The following GPR85 variants were observed in gnomAD, a reference collection of about 807,000 sequenced individuals.
The protein encoded by GPR85 is probable G protein-coupled receptor 85.
A neutral mutation model predicts 21.3 loss-of-function variants in GPR85; 7 were observed. The observed-to-expected ratio is 0.33, with a 90% CI of 0.19 to 0.62. The LOEUF is 0.62. GPR85 is among the 20% of genes least tolerant of loss of function. The pLI, the probability that GPR85 is intolerant of heterozygous loss-of-function variation, is 0.80. For synonymous variants in GPR85, 167 were observed against 166.1 expected (o/e 1.01, Z -0.04); for missense variants, 299 against 443.8 (o/e 0.67, Z 2.93).
In GPR85 at chr7:113,083,767, C is replaced by T. The variant is rs759257521; in HGVS notation, c.955G>A (p.Gly319Arg). The change falls in exon 3 of 3, where the codon GGA becomes AGA. Residue 319 changes from glycine to arginine, a missense_variant. By Grantham distance (125) the Gly-to-Arg change is moderately radical (BLOSUM62 -2). Around this residue, in one of 2 missense-constraint regions of GPR85, gnomAD observed 198 missense variants for 335.4 expected, o/e 0.59. Coordinates refer to ENST00000424100, the MANE Select transcript of GPR85 (RefSeq NM_001146267.2). This position sits in a 1 kb window ranked among gnomAD's most constrained non-coding sequence, Gnocchi z 4.4. ...VFARGPVVPGGFLTAAVWMSF... is the reference protein window; with the variant it reads ...VFARGPVVPGRFLTAAVWMSF... Reference sequence around the variant, plus strand: ...ATCCAGACAGCAGCTGTTAGAAATCCCCCTGGTACTACAGGCCCTCTTGCA... The same window carrying T: ...ATCCAGACAGCAGCTGTTAGAAATCTCCCTGGTACTACAGGCCCTCTTGCA... The T allele has an allele frequency of 1.4e-4, 226 of 1,614,108 alleles. 1 individual carries two copies. Among genetic ancestry groups the T allele is most frequent in the Non-Finnish European group, 1.8e-4 (211 of 1,180,048 alleles).
In GPR85 at chr7:113,084,347, A is replaced by G. The variant is rs1794214973; in HGVS notation, c.375T>C (p.His125=). 12 of 1,614,114 alleles carry G rather than the reference A, an allele frequency of 7.4e-6. No homozygotes were observed. The highest frequency in any genetic ancestry group is 1.0e-5 in the Non-Finnish European group (12 of 1,180,006). ...TCAGCCTCTTTGTATAGAAGCGGTG[A>G]TGGGCGATAGCTAAATATCTGGTGA... ...ISVTRYLAIA[H]HRFYTKRLTF... Residue 125 remains histidine (H), a synonymous_variant, in exon 3 of 3, where the codon CAT becomes CAC. Transcript: ENST00000424100.
chr7:113,084,732 A>G lies in GPR85; in HGVS notation c.-11T>C. Reference sequence around the variant, plus strand: ...GCTATAGTTCGCCATAGATGGATGGAGGATAAGGATACAGCCTCAGTCAAG... The same window carrying G: ...GCTATAGTTCGCCATAGATGGATGGGGGATAAGGATACAGCCTCAGTCAAG... On this transcript the variant is annotated 5_prime_UTR_variant, in exon 3 of 3. Coordinates refer to ENST00000424100, the MANE Select transcript of GPR85 (RefSeq NM_001146267.2). 2 of 1,600,878 alleles carry G rather than the reference A, an allele frequency of 1.2e-6. 1 individual carries two copies. Among genetic ancestry groups the G allele is most frequent in the South Asian group, 2.2e-5 (2 of 89,112 alleles).
chr7:113,085,710 A>G (rs1794254255), intron 2 of GPR85, among the ~76,000 whole-genome samples: 1 of 152,160 alleles, frequency 6.6e-6, no homozygotes, highest in Non-Finnish European at 1.5e-5. Context: ...TTAAAACAAA[A>G]TGCACATTGT....
rs1794292081 is a variant in GPR85, at chr7:113,086,408, T to TTG, written c.-376_-375insCA. The stretch of plus-strand genomic sequence containing the variant: ...TTTTTTTCTTTTTCTTTTTTTTTTT[T>TTG]TTTTTTTTGTTTTTTGTTTTTTTTT... On this transcript the variant is annotated 5_prime_UTR_variant, in exon 1 of 3. It removes the in-frame stop codon of an upstream open reading frame in the 5' UTR. Transcript: ENST00000424100. 2 of 94,216 alleles carry TTG rather than the reference T, an allele frequency of 2.1e-5. No homozygotes were observed. The highest frequency in any genetic ancestry group is 9.0e-5 in the African/African-American group (2 of 22,184). 5.8% of individuals were successfully genotyped at this position (94,216 alleles called of 1,614,324 possible). A position where few individuals can be genotyped will look rare whatever the true frequency, so the allele number is the denominator to read the frequency against.
rs1794301225 is a variant in GPR85 at position 113,086,430 on chromosome 7, T to TTTTTTTTTTTTTTG, written c.-398_-397insCAAAAAAAAAAAAA. ...TTTTTTTTTTTTGTTTTTTGTTTTT[T>TTTTTTTTTTTTTTG]TTTTTTTTTTTTTTGCCTTAGTGCC... is the stretch of plus-strand genomic sequence containing the variant. On this transcript the variant is annotated 5_prime_UTR_variant, in exon 1 of 3. The change abolishes the stop of an existing upstream ORF in the 5' untranslated region. Coordinates refer to ENST00000424100, the MANE Select transcript of GPR85 (RefSeq NM_001146267.2). The TTTTTTTTTTTTTTG allele has an allele frequency of 9.4e-6, 1 of 106,552 alleles. No homozygotes were observed. Among genetic ancestry groups the TTTTTTTTTTTTTTG allele is most frequent in the African/African-American group, 3.8e-5 (1 of 26,094 alleles). The allele number at this position is 106,552 out of a possible 1,614,324, so 6.6% of individuals were successfully genotyped here.
At position 113,082,370 on chromosome 7, in the gene GPR85, AC is replaced by A. The variant is rs1794160843; in HGVS notation, c.*1238del. 6.6e-6 allele frequency: 1 copy of A among 152,628 alleles called. No individual in the cohort carries two copies. Among genetic ancestry groups the A allele is most frequent in the South Asian group, 2.1e-4 (1 of 4,834 alleles). The allele number at this position is 152,628 out of a possible 1,614,324, so 9.5% of individuals were successfully genotyped here. ...ACAGACTCTAATGTATTTCTAAAATACCAGAAATCATAATATAAGCTTTCAC... is the reference window on the plus strand; with the variant it reads ...ACAGACTCTAATGTATTTCTAAAATACAGAAATCATAATATAAGCTTTCAC... On this transcript the variant is annotated 3_prime_UTR_variant, in exon 3 of 3. Transcript: ENST00000424100.
upstream of GPR85, chr7:113,087,575 T>A (rs1255358690): frequency 6.5e-6 from 1 of 154,398 alleles, no homozygotes; most frequent in Non-Finnish European, 1.5e-5. Context: ...GATATAAAAT[T>A]TTAAGCAACA....
intron 2 of GPR85, 33 bp downstream of exon 2, chr7:113,085,959 A>AG (rs1490000270): frequency 1.3e-5 from 2 of 152,482 alleles, no homozygotes; most frequent in East Asian, 1.9e-4. Flanking sequence ...AGGGTGGAGG[A>AG]GGGGGAGAGG....
chr7:113,084,975 A>AC (rs1159810181), intron 2 of GPR85, 84 bp from the exon 3 acceptor site: 2 of 373,434 alleles, frequency 5.4e-6, no homozygotes, highest in African/African-American at 4.2e-5. Flanking sequence ...CTGTTCACTT[A>AC]TGGGGAAGCA....
At chr7:113,086,928 A>G (rs915203103), upstream of GPR85, among the ~76,000 whole-genome samples, 3 of 150,942 alleles carry the variant, frequency 2.0e-5, no homozygotes, top group African/African-American at 4.9e-5. Flanking sequence ...AAACCACCGG[A>G]GGCTTCTTTT....
At position 113,083,679 on chromosome 7, in the gene GPR85, C is replaced by T. The variant is rs746230402; in HGVS notation, c.1043G>A (p.Arg348His). The change falls in exon 3 of 3, where the codon CGC becomes CAC. Residue 348 changes from arginine to histidine, a missense_variant. Transcript: ENST00000424100. The surrounding 1 kb of genome is among the most constrained non-coding windows in gnomAD (Gnocchi z 4.4). ...GTAAAGAAGGGTTGTGCTGAAACAG[C>T]GCCTCAGCTCCCTGTTTGAGAAAAT... is the stretch of plus-strand genomic sequence containing the variant. ...VCIFSNRELR[R>H]CFSTTLLYCR... The T allele has an allele frequency of 2.3e-5, 37 of 1,613,838 alleles. No homozygotes were observed. In the Admixed American group the frequency reaches 5.2e-4, roughly 23 times the overall value.
chr7:113,084,449 A>C lies in GPR85; in HGVS notation c.273T>G (p.Thr91=), dbSNP rs1251874507. The change falls in exon 3 of 3, where the codon ACT becomes ACG. Residue 91 remains threonine, a synonymous_variant. Transcript: ENST00000424100. ...GAAAGGCAATCACTTTGCAAGTCAG[A>C]GTCCCATAAGTCCAGGTAGAACCAT... The part of the protein sequence containing the change: ...VKNGSTWTYG[T]LTCKVIAFLG... The C allele has an allele frequency of 6.2e-7, 1 of 1,614,000 alleles. No individual in the cohort carries two copies. Among genetic ancestry groups the C allele is most frequent in the East Asian group, 2.2e-5 (1 of 44,888 alleles).
Position 113,083,714 on chromosome 7 carries a change from AGGATTGATT to A in GPR85, c.999_1007del (p.Ile334_Pro336del). 6.2e-7 allele frequency: 1 copy of A among 1,614,122 alleles called. No homozygotes were observed. The highest frequency in any genetic ancestry group is 2.2e-5 in the East Asian group (1 of 44,896). ...CCCTGTTTGAGAAAATGCAGACAAAAGGATTGATTCCTGCTTGGGCAAAACTCATCCAGA... is the reference window on the plus strand; with the variant it reads ...CCCTGTTTGAGAAAATGCAGACAAAACCTGCTTGGGCAAAACTCATCCAGA... On this transcript the variant is annotated inframe_deletion, in exon 3 of 3. Transcript: ENST00000424100. The surrounding 1 kb of genome is among the most constrained non-coding windows in gnomAD (Gnocchi z 4.4).
In GPR85 at chr7:113,082,954, A is replaced by G. The variant is rs1794175311; in HGVS notation, c.*655T>C. On this transcript the variant is annotated 3_prime_UTR_variant, in exon 3 of 3. Transcript: ENST00000424100. Reference sequence around the variant, plus strand: ...CCACATAATACAGTTCAATGCTAGCAATCTTACTAGTAGATGAGGAAAGTG... The same window carrying G: ...CCACATAATACAGTTCAATGCTAGCGATCTTACTAGTAGATGAGGAAAGTG... The G allele has an allele frequency of 6.6e-6, 1 of 152,634 alleles. No homozygotes were observed. The highest frequency in any genetic ancestry group is 6.5e-5 in the Admixed American group (1 of 15,282). 9.5% of individuals were successfully genotyped at this position (152,634 alleles called of 1,614,324 possible).
Position 113,084,212 on chromosome 7 carries a change from A to T in GPR85, c.510T>A (p.Asp170Glu). The T allele has an allele frequency of 6.2e-7, 1 of 1,614,140 alleles. No individual in the cohort carries two copies. Among genetic ancestry groups the T allele is most frequent in the Non-Finnish European group, 8.5e-7 (1 of 1,180,030 alleles). The change falls in exon 3 of 3, where the codon GAT becomes GAA. Residue 170 changes from aspartate (D) to glutamate (E), a missense_variant. Physicochemically the swap from Asp to Glu is conservative, Grantham distance 45. Around this residue, in one of 2 missense-constraint regions of GPR85, gnomAD observed 198 missense variants for 335.4 expected, o/e 0.59. Transcript: ENST00000424100. ...VGTYSFIREEDQCTFQHRSFR... is the reference protein window; with the variant it reads ...VGTYSFIREEEQCTFQHRSFR... ...AGGAGCGGTGTTGGAAGGTGCATTG[A>T]TCTTCCTCCCTAATGAATGAGTAAG...
chr7:113,086,398 T>TTTTTTTTTTTTTTTTTC lies in GPR85; in HGVS notation c.-366_-365insGAAAAAAAAAAAAAAAA, dbSNP rs1562996767. 2 of 24,814 alleles carry TTTTTTTTTTTTTTTTTC rather than the reference T, an allele frequency of 8.1e-5. No homozygotes were observed. Among genetic ancestry groups the TTTTTTTTTTTTTTTTTC allele is most frequent in the Non-Finnish European group, 8.1e-5 (1 of 12,322 alleles). 1.5% of individuals were successfully genotyped at this position (24,814 alleles called of 1,614,324 possible). On this transcript the variant is annotated 5_prime_UTR_variant, in exon 1 of 3. It removes the in-frame stop codon of an upstream open reading frame in the 5' UTR. Coordinates refer to ENST00000424100, the MANE Select transcript of GPR85 (RefSeq NM_001146267.2). The stretch of plus-strand genomic sequence containing the variant: ...GATTTTTTTCTTTTTTTCTTTTTCT[T>TTTTTTTTTTTTTTTTTC]TTTTTTTTTTTTTTTTTTGTTTTTT...
At position 113,084,436 on chromosome 7, in the gene GPR85, C is replaced by G. The variant is rs917283641; in HGVS notation, c.286G>C (p.Val96Leu). The change falls in exon 3 of 3, where the codon GTG (valine) becomes CTG (leucine). Residue 96 changes from valine (V) to leucine (L), a missense_variant. Val to Leu is a conservative substitution (Grantham distance 32). Around this residue, in one of 2 missense-constraint regions of GPR85, gnomAD observed 101 missense variants for 108.4 expected, o/e 0.93. Coordinates refer to ENST00000424100, the MANE Select transcript of GPR85 (RefSeq NM_001146267.2). Reference protein sequence around the residue: ...TWTYGTLTCKVIAFLGVLSCF... With the variant: ...TWTYGTLTCKLIAFLGVLSCF... Reference sequence around the variant, plus strand: ...GACAAAACCCCCAGAAAGGCAATCACTTTGCAAGTCAGAGTCCCATAAGTC... The same window carrying G: ...GACAAAACCCCCAGAAAGGCAATCAGTTTGCAAGTCAGAGTCCCATAAGTC... 1.4e-5 allele frequency: 22 copies of G among 1,614,094 alleles called. No individual in the cohort carries two copies. Among genetic ancestry groups the G allele is most frequent in the Non-Finnish European group, 1.7e-5 (20 of 1,179,946 alleles).
Position 113,084,422 on chromosome 7 carries a change from C to G in GPR85, c.300G>C (p.Leu100=). 1 of 1,613,966 alleles carries G rather than the reference C, an allele frequency of 6.2e-7. No individual in the cohort carries two copies. The highest frequency in any genetic ancestry group is 8.5e-7 in the Non-Finnish European group (1 of 1,179,898). Residue 100 remains leucine (L), a synonymous_variant, in exon 3 of 3, where the codon CTG becomes CTC. Transcript: ENST00000424100. ...GTLTCKVIAF[L]GVLSCFHTAF... Reference sequence around the variant, plus strand: ...CAGTGTGGAAACAGGACAAAACCCCCAGAAAGGCAATCACTTTGCAAGTCA... The same window carrying G: ...CAGTGTGGAAACAGGACAAAACCCCGAGAAAGGCAATCACTTTGCAAGTCA...
rs1037814597 is a variant in GPR85, at chr7:113,083,074, GT to G, written c.*534del. The stretch of plus-strand genomic sequence containing the variant: ...AATGCTCCCCAGAACTTACAAGGCG[GT>G]TTTTAAAGTGTGATATTCCAATAAT... On this transcript the variant is annotated 3_prime_UTR_variant, in exon 3 of 3. Transcript: ENST00000424100. The surrounding 1 kb of genome is among the most constrained non-coding windows in gnomAD (Gnocchi z 4.4). The G allele has an allele frequency of 1.3e-4, 20 of 152,992 alleles. No individual in the cohort carries two copies. Among genetic ancestry groups the G allele is most frequent in the African/African-American group, 4.6e-4 (19 of 41,568 alleles). 9.5% of individuals were successfully genotyped at this position (152,992 alleles called of 1,614,324 possible).
Sources: allele counts gnomAD v4.1 joint callset (sites outside exome capture counted in the v4.1 genomes callset), GRCh38; gene constraint gnomAD v4.1.1; regional missense constraint gnomAD v4.1.1; non-coding constraint Gnocchi (gnomAD v3.1); transcripts MANE v1.5; gene names NCBI Gene and HGNC (gene_info 2026-07-23, HGNC 2026-07-21).